The following ZNF385D variants were observed in gnomAD, a reference collection of about 807,000 sequenced individuals.
ZNF385D encodes zinc finger protein 385D, also known as zinc finger protein 659.
Under a neutral mutation model 35.8 loss-of-function variants are expected in ZNF385D, and 15 were observed. That is an observed-to-expected ratio of 0.42 (90% confidence interval 0.28 to 0.64). ZNF385D has a LOEUF of 0.64. Among genes scored for constraint, ZNF385D ranks in the 30% least tolerant of loss-of-function variants. The pLI is 0.23. For synonymous variants in ZNF385D, 212 were observed against 186.8 expected, an observed-to-expected ratio of 1.13 and a Z score of -1.10; for missense variants, 474 against 494.6, an observed-to-expected ratio of 0.96 and a Z score of 0.39.
intron 2 of ZNF385D, among the ~76,000 whole-genome samples, chr3:22,271,031 T>G (rs899755715): frequency 6.6e-5 from 10 of 151,988 alleles, no homozygotes; most frequent in African/African-American, 2.4e-4. Context: ...TTTACCCAAT[T>G]ACCTCCTTTT....
intron 1 of ZNF385D, among the ~76,000 whole-genome samples, chr3:21,728,322 G>A (rs1489242360): frequency 4.7e-5 from 7 of 148,476 alleles, no homozygotes; most frequent in African/African-American, 7.6e-5. Flanking sequence ...AAAAGCAGAC[G>A]TCCACCTAAA....
intron 1 of ZNF385D, among the ~76,000 whole-genome samples, chr3:21,695,647 T>G (rs2067444412): frequency 6.6e-6 from 1 of 152,086 alleles, no homozygotes. Context: ...AGAGAAAATT[T>G]ATCCTTGACC....
chr3:21,560,594 G>GTATC (rs1163490403), intron 3 of ZNF385D, among the ~76,000 whole-genome samples: 1 of 152,174 alleles, frequency 6.6e-6, no homozygotes, highest in Admixed American at 6.5e-5. Context: ...CTACTGGGAG[G>GTATC]TATCTCCCAA....
At chr3:22,337,184 G>A (rs1375929142) in intron 2 of ZNF385D, among the ~76,000 whole-genome samples, 2 of 150,200 alleles carry the variant, frequency 1.3e-5, no homozygotes, top group Admixed American at 1.3e-4. Context: ...TTTTTTTAAT[G>A]TGCTATGCTC....
intron 3 of ZNF385D, among the ~76,000 whole-genome samples, chr3:22,116,915 CTAAG>C (rs1293758369): frequency 2.5e-4 from 38 of 151,954 alleles, no homozygotes. Flanking sequence ...AGTCACTTTA[CTAAG>C]TGTTTAGGTC....
At chr3:22,165,351 G>T (rs942821244) in intron 3 of ZNF385D, among the ~76,000 whole-genome samples, 2 of 152,158 alleles carry the variant, frequency 1.3e-5, no homozygotes, top group African/African-American at 4.8e-5. Flanking sequence ...GAGTAGTTTG[G>T]TCTTTGTCAA....
chr3:21,526,477 A>G (rs868534570), intron 3 of ZNF385D, among the ~76,000 whole-genome samples: 1 of 152,188 alleles, frequency 6.6e-6, no homozygotes, highest in African/African-American at 2.4e-5. Flanking sequence ...ACATAGCAAT[A>G]TATCTATATA....
In ZNF385D at chr3:22,206,541, T is replaced by G. The variant is rs78008330; in HGVS notation, c.107-37506A>C. 7.1e-3 allele frequency among the ~76,000 whole-genome samples: 1,084 copies of G among 151,942 alleles called. 8 individuals are homozygous for G. Among genetic ancestry groups the G allele is most frequent in the African/African-American group, 0.024 (1,007 of 41,498 alleles). ...ATATGTTAGGCCATAAAACAAGTCT[T>G]AAAACATCCAGAAAAAAAAGAAAGA... is the stretch of plus-strand genomic sequence containing the variant. On this transcript the variant is annotated intron_variant, in intron 2 of 5. Coordinates refer to the ZNF385D transcript ENST00000494108.
At chr3:21,720,224 T>C (rs1263867462) in intron 1 of ZNF385D, among the ~76,000 whole-genome samples, 2 of 152,064 alleles carry the variant, frequency 1.3e-5, no homozygotes, top group African/African-American at 4.8e-5. Flanking sequence ...TTAAGTATAG[T>C]CCCTAGACCA....
intron 3 of ZNF385D, among the ~76,000 whole-genome samples, chr3:22,050,135 G>A (rs531966003): frequency 7.9e-5 from 12 of 152,036 alleles, no homozygotes; most frequent in South Asian, 2.1e-4. Flanking sequence ...GGAGACCAAC[G>A]CATGAGGATT....
chr3:21,457,029 GA>G (rs1468029889), intron 4 of ZNF385D, among the ~76,000 whole-genome samples: 1 of 152,048 alleles, frequency 6.6e-6, no homozygotes. Flanking sequence ...CCCTCTACTG[GA>G]ATGTAAAATC....
chr3:21,860,078 TA>T (rs1162224719), intron 3 of ZNF385D, among the ~76,000 whole-genome samples: 24 of 152,186 alleles, frequency 1.6e-4, no homozygotes, highest in Admixed American at 4.6e-4. Flanking sequence ...CTTTTAGGGT[TA>T]AAAAAGTACA....
chr3:22,344,573 G>GTT (rs200662715), intron 2 of ZNF385D, among the ~76,000 whole-genome samples: 5 of 151,322 alleles, frequency 3.3e-5, no homozygotes, highest in African/African-American at 1.2e-4. Context: ...GGTTTTCTTT[G>GTT]TTTTTTTGTT....
chr3:21,988,835 G>C (rs1013214908), intron 3 of ZNF385D, among the ~76,000 whole-genome samples: 1 of 152,184 alleles, frequency 6.6e-6, no homozygotes, highest in Non-Finnish European at 1.5e-5. Flanking sequence ...CGTGGGCGTA[G>C]GACCCTCCGA....
At chr3:21,925,971 G>T (rs1434195667) in intron 3 of ZNF385D, among the ~76,000 whole-genome samples, 1 of 151,990 alleles carries the variant, frequency 6.6e-6, no homozygotes, top group Non-Finnish European at 1.5e-5. Flanking sequence ...AAAAAATAGT[G>T]ATAACAACAA....
intron 3 of ZNF385D, among the ~76,000 whole-genome samples, chr3:21,947,987 C>G (rs1701878841): frequency 6.6e-6 from 1 of 152,090 alleles, no homozygotes; most frequent in South Asian, 2.1e-4. Flanking sequence ...ACTTGAAAAA[C>G]CCACTCTTTA....
At chr3:21,628,609 T>G (rs1479231802) in intron 2 of ZNF385D, among the ~76,000 whole-genome samples, 3 of 152,124 alleles carry the variant, frequency 2.0e-5, no homozygotes. Context: ...TGTCAATTGT[T>G]GCTAAATTCC....
Position 21,706,282 on chromosome 3 carries a change from A to G in ZNF385D, c.23-41254T>C, listed in dbSNP as rs1237539894. 2.6e-5 allele frequency among the ~76,000 whole-genome samples: 4 copies of G among 152,028 alleles called. No individual in the cohort carries two copies. The South Asian group carries it at 8.3e-4, about 32-fold the overall frequency. On this transcript the variant is annotated intron_variant, in intron 1 of 7. Transcript: ENST00000281523. ...TGCAATCAGCTTTTTTTTTTTCCTA[A>G]TAGCTTGATTGAGATACAGTTCACA...
chr3:21,827,472 G>A (rs1174827233), intron 3 of ZNF385D, among the ~76,000 whole-genome samples: 2 of 152,066 alleles, frequency 1.3e-5, no homozygotes, highest in Non-Finnish European at 2.9e-5. Flanking sequence ...TGACACTTGT[G>A]GACAAGCAAC....
Sources: allele counts gnomAD v4.1 joint callset (sites outside exome capture counted in the v4.1 genomes callset), GRCh38; gene constraint gnomAD v4.1.1; transcripts MANE v1.5; gene names NCBI Gene and HGNC (gene_info 2026-07-23, HGNC 2026-07-21).